Variants in PIGG observed in about 807,000 individuals in gnomAD.
PIGG encodes GPI ethanolamine phosphate transferase 2, catalytic subunit.
In PIGG, 70 loss-of-function variants were observed where a neutral mutation model predicts 83.2. The observed-to-expected ratio is 0.84, with a 90% confidence interval of 0.69 to 1.03. The LOEUF is 1.03. Ranked by LOEUF, PIGG falls within the 50% of genes least tolerant of loss-of-function variation. The probability of loss-of-function intolerance (pLI) is 0.00; values close to 1 mark genes in which losing one functional copy is unlikely to be tolerated. For missense variants in PIGG, 1,257 were observed against 1,233.6 expected (o/e 1.02, Z -0.28); for synonymous variants, 532 against 519.5 (o/e 1.02, Z -0.33).
chr4:505,384 G>A (rs1340197894), intron 2 of PIGG, among the ~76,000 whole-genome samples: 2 of 142,760 alleles, frequency 1.4e-5, no homozygotes, highest in East Asian at 4.2e-4. Context: ...GGATGCCCTA[G>A]CTTTATGCTC....
In PIGG at chr4:521,132, T is replaced by C. The variant is rs770865979; in HGVS notation, c.1191T>C (p.His397=). ...NWIRLYLEEK[H]SEVLFNLGSK... ...TCAGACTGTACTTGGAGGAAAAGCA[T>C]TCAGAAGTCCTATTCAACCTGGGCT... The change falls in exon 7 of 13, where the codon CAT becomes CAC. Residue 397 remains histidine, a synonymous_variant. Coordinates refer to ENST00000453061, the MANE Select transcript of PIGG (RefSeq NM_001127178.3). The C allele has an allele frequency of 6.2e-7, 1 of 1,614,146 alleles. No individual in the cohort carries two copies. The highest frequency in any genetic ancestry group is 1.7e-5 in the Admixed American group (1 of 60,026).
In PIGG at chr4:510,385, T is replaced by C. The variant is rs994928367; in HGVS notation, c.901+1415T>C. ...TGGCTTAAGAATGCCTTTAAGCGGT[T>C]TTCCACCCTGGGCGGGCCAGGTGTT... is the stretch of plus-strand genomic sequence containing the variant. On this transcript the variant is annotated intron_variant, in intron 5 of 12. Coordinates refer to ENST00000453061, the MANE Select transcript of PIGG (RefSeq NM_001127178.3). Among the ~76,000 whole-genome samples the C allele has an allele frequency of 2.0e-5, 3 of 152,324 alleles. No individual in the cohort carries two copies. In the South Asian group the frequency reaches 6.2e-4, roughly 32 times the overall value.
intron 5 of PIGG, among the ~76,000 whole-genome samples, chr4:511,051 T>C (rs1553883111): frequency 6.6e-6 from 1 of 152,180 alleles, no homozygotes; most frequent in Non-Finnish European, 1.5e-5. Context: ...CCCAGCACTT[T>C]GGGAGACTGA....
chr4:526,971 C>G, intron 9 of PIGG, 68 bp from the exon 10 acceptor site: 1 of 1,556,394 alleles, frequency 6.4e-7, no homozygotes, highest in Non-Finnish European at 8.8e-7. Context: ...TCTTTGAAAG[C>G]CACTTGGTGT....
intron 7 of PIGG, 53 bp from the exon 8 acceptor site, chr4:521,607 G>A: frequency 2.6e-6 from 4 of 1,561,746 alleles, no homozygotes; most frequent in Non-Finnish European, 3.5e-6. Flanking sequence ...TTATTTTTAA[G>A]TGGGTTTCTC....
At chr4:535,950 G>T (rs1730479037) in intron 12 of PIGG, among the ~76,000 whole-genome samples, 1 of 152,166 alleles carries the variant, frequency 6.6e-6, no homozygotes, top group African/African-American at 2.4e-5. Context: ...GGTGTCCTCG[G>T]GCTGACAGGA....
chr4:502,425 C>A (rs782028952), intron 2 of PIGG: 5 of 152,170 alleles, frequency 3.3e-5, no homozygotes, highest in Non-Finnish European at 5.9e-5. Context: ...GAAAGTGTCC[C>A]CTGCCCTGCC....
At chr4:525,144 T>C in intron 9 of PIGG, 2 of 967,652 alleles carry the variant, frequency 2.1e-6, no homozygotes, top group South Asian at 9.6e-5. Context: ...CTCCCCATCC[T>C]CCCTTTTCTC....
intron 12 of PIGG, among the ~76,000 whole-genome samples, chr4:534,612 G>T (rs1278360691): frequency 2.0e-5 from 3 of 152,218 alleles, no homozygotes; most frequent in Non-Finnish European, 4.4e-5. Context: ...TGCCCTCCAT[G>T]CTCTCCTGCC....
chr4:539,212 T>C lies in PIGG; in HGVS notation c.2795T>C (p.Phe932Ser), dbSNP rs1127410. The change falls in exon 13 of 13, where the codon TTC (phenylalanine) becomes TCC (serine). Residue 932 changes from phenylalanine (F) to serine (S), a missense_variant. By Grantham distance (155) the Phe-to-Ser change is radical (BLOSUM62 -2). Transcript: ENST00000453061. ...CYALICSIPV[F>S]TYIVLVTSLR... ...GCACTGATTTGTTCTATTCCAGTTTTCACGTACATCGTTTTGGTGACATCT... is the reference window on the plus strand; with the variant it reads ...GCACTGATTTGTTCTATTCCAGTTTCCACGTACATCGTTTTGGTGACATCT... The C allele has an allele frequency of 0.14, 226,167 of 1,612,662 alleles. 18,102 individuals carry two copies. The highest frequency in any genetic ancestry group is 0.33 in the African/African-American group (24,508 of 74,926).
chr4:534,248 G>A (rs1190327809), intron 12 of PIGG, among the ~76,000 whole-genome samples: 1 of 152,126 alleles, frequency 6.6e-6, no homozygotes, highest in Non-Finnish European at 1.5e-5. Flanking sequence ...GGCTGCCCAG[G>A]TCACACCAGC....
chr4:524,301 G>A (rs1183493510), intron 9 of PIGG, among the ~76,000 whole-genome samples: 1 of 152,254 alleles, frequency 6.6e-6, no homozygotes, highest in South Asian at 2.1e-4. Context: ...GTGTCTGCCT[G>A]TGTCAGGCCA....
intron 12 of PIGG, among the ~76,000 whole-genome samples, chr4:535,580 C>T (rs1730351447): frequency 6.6e-6 from 1 of 152,152 alleles, no homozygotes; most frequent in African/African-American, 2.4e-5. Context: ...CCCCAGGGAG[C>T]GCGCTGTGGC....
chr4:522,489 G>A (rs527694474), intron 8 of PIGG: 11 of 193,444 alleles, frequency 5.7e-5, no homozygotes, highest in African/African-American at 2.5e-4. Flanking sequence ...TTCGTTAGCT[G>A]GGGAGTGGTG....
chr4:515,036 T>C lies in PIGG; in HGVS notation c.902-937T>C, dbSNP rs766461808. On this transcript the variant is annotated intron_variant, in intron 5 of 12. Transcript: ENST00000453061. The surrounding 1 kb of genome is among the most constrained non-coding windows in gnomAD (Gnocchi z 4.2). ...TGACCTAGAAGCCGTCATTAGAGAG[T>C]TGGCCAAGACCTGATTAATAAATTT... Among the ~76,000 whole-genome samples, 2 of 151,984 alleles carry C rather than the reference T, an allele frequency of 1.3e-5. No individual in the cohort carries two copies. Among genetic ancestry groups the C allele is most frequent in the African/African-American group, 2.4e-5 (1 of 41,364 alleles).
chr4:527,718 G>A (rs1259102942), intron 10 of PIGG: 1 of 985,182 alleles, frequency 1.0e-6, no homozygotes, highest in Non-Finnish European at 1.2e-6. Context: ...CCCCGTAAGG[G>A]GCCAGGAGCT....
At chr4:499,926 C>T (rs1716977383) in intron 1 of PIGG, 1 of 229,010 alleles carries the variant, frequency 4.4e-6, no homozygotes. Context: ...TGCCTAGGGG[C>T]TAAGGCCTCT....
In PIGG at chr4:528,999, C is replaced by T. The variant is rs924924989; in HGVS notation, c.2262-1437C>T. On this transcript the variant is annotated intron_variant, in intron 10 of 12. Coordinates refer to ENST00000453061, the MANE Select transcript of PIGG (RefSeq NM_001127178.3). The surrounding 1 kb of genome is among the most constrained non-coding windows in gnomAD (Gnocchi z 4.8). Reference sequence around the variant, plus strand: ...CTGTCAGTCCCCCGGGCCCTGCCATCCACTGAGAGTCTGAAATCCTTTGCA... The same window carrying T: ...CTGTCAGTCCCCCGGGCCCTGCCATTCACTGAGAGTCTGAAATCCTTTGCA... Among the ~76,000 whole-genome samples, 2 of 152,190 alleles carry T rather than the reference C, an allele frequency of 1.3e-5. No homozygotes were observed. The highest frequency in any genetic ancestry group is 2.9e-5 in the Non-Finnish European group (2 of 68,022).
chr4:533,645 C>T lies in PIGG; in HGVS notation c.2572-173C>T, dbSNP rs543239326. ...GGGTGCCACCTAGGCAAGGCCAGCT[C>T]GGCAGTCTGAAGGAACGGCTGGGCA... On this transcript the variant is annotated intron_variant, in intron 11 of 12. Coordinates refer to ENST00000453061, the MANE Select transcript of PIGG (RefSeq NM_001127178.3). The T allele has an allele frequency of 1.1e-4, 68 of 630,438 alleles. 1 individual carries two copies. The highest frequency in any genetic ancestry group is 7.8e-4 in the South Asian group (42 of 54,174). The allele number at this position is 630,438 out of a possible 1,614,324, so 39.1% of individuals were successfully genotyped here. A position where few individuals can be genotyped will look rare whatever the true frequency, so the allele number is the denominator to read the frequency against.
Sources: gnomAD v4.1 joint callset for allele counts (sites outside exome capture counted in the v4.1 genomes callset) on GRCh38, gnomAD v4.1.1 for gene constraint, Gnocchi (gnomAD v3.1) non-coding constraint, MANE v1.5 for transcripts, NCBI Gene and HGNC (gene_info 2026-07-23, HGNC 2026-07-21) for gene names.